Variants in NPSR1 observed in about 807,000 individuals in gnomAD.
NPSR1 encodes neuropeptide S receptor 1.
NPSR1 carries 48 observed loss-of-function variants against 46.9 expected under a neutral mutation model. The observed-to-expected ratio is 1.02, with a 90% confidence interval of 0.81 to 1.30. The LOEUF (loss-of-function observed/expected upper bound fraction) is 1.30, where lower values mean the gene tolerates loss of function less well. Ranked by LOEUF, NPSR1 falls within the 50% of genes most tolerant of loss-of-function variation. The pLI, the probability that NPSR1 is intolerant of heterozygous loss-of-function variation, is 0.00. For synonymous variants in NPSR1, 176 were observed against 168.1 expected (o/e 1.05, Z -0.36); for missense variants, 450 against 449.5 (o/e 1.00, Z -0.01).
intron 2 of NPSR1, among the ~76,000 whole-genome samples, chr7:34,726,485 A>G (rs1784157808): frequency 6.6e-6 from 1 of 152,228 alleles, no homozygotes. Flanking sequence ...CTCTTACCAT[A>G]TAATTCATCA....
intron 2 of NPSR1, among the ~76,000 whole-genome samples, chr7:34,690,706 C>T (rs1446095196): frequency 1.3e-5 from 2 of 152,112 alleles, no homozygotes; most frequent in Non-Finnish European, 2.9e-5. Context: ...TAAGAAATGC[C>T]TAGTGCCTTT....
At chr7:34,839,208 A>G (rs1264890312) in intron 6 of NPSR1, among the ~76,000 whole-genome samples, 2 of 152,264 alleles carry the variant, frequency 1.3e-5, no homozygotes, top group Non-Finnish European at 2.9e-5. Context: ...AATGAAGATT[A>G]TGACATGTTC....
chr7:34,764,619 A>C (rs1786345667), intron 2 of NPSR1, among the ~76,000 whole-genome samples: 1 of 152,162 alleles, frequency 6.6e-6, no homozygotes, highest in Non-Finnish European at 1.5e-5. Context: ...CCAAACAAAA[A>C]ACTTAAGTCA....
chr7:34,794,609 T>C (rs1405634014), intron 3 of NPSR1, among the ~76,000 whole-genome samples: 1 of 151,954 alleles, frequency 6.6e-6, no homozygotes, highest in East Asian at 1.9e-4. Context: ...CACCAAACAT[T>C]TAGGAAAGAA....
At chr7:34,721,016 G>A (rs977641792) in intron 2 of NPSR1, among the ~76,000 whole-genome samples, 1 of 152,128 alleles carries the variant, frequency 6.6e-6, no homozygotes, top group African/African-American at 2.4e-5. Flanking sequence ...AAATACCTTA[G>A]TGACTAGAAA....
At chr7:34,852,878 C>T (rs534439006), downstream of NPSR1, among the ~76,000 whole-genome samples, 1 of 152,234 alleles carries the variant, frequency 6.6e-6, no homozygotes, top group South Asian at 2.1e-4. Flanking sequence ...GGTGTGCTTA[C>T]TATATTCAGC....
At chr7:34,726,445 G>C (rs1170508361) in intron 2 of NPSR1, among the ~76,000 whole-genome samples, 1 of 152,202 alleles carries the variant, frequency 6.6e-6, no homozygotes, top group African/African-American at 2.4e-5. Context: ...TTGGAAGACA[G>C]TTTGACAGTT....
intron 2 of NPSR1, among the ~76,000 whole-genome samples, chr7:34,767,069 G>A (rs936651816): frequency 7.9e-5 from 12 of 152,170 alleles, no homozygotes; most frequent in Admixed American, 2.6e-4. Context: ...TCTCTATCCC[G>A]ACTGTGGTGT....
chr7:34,703,185 C>T (rs953870629), intron 2 of NPSR1, among the ~76,000 whole-genome samples: 7 of 152,100 alleles, frequency 4.6e-5, no homozygotes, highest in African/African-American at 1.7e-4. Flanking sequence ...CGGTGAAACC[C>T]CGTCTCTACT....
chr7:34,710,270 A>G (rs895228234), intron 2 of NPSR1, among the ~76,000 whole-genome samples: 3 of 152,124 alleles, frequency 2.0e-5, no homozygotes, highest in African/African-American at 7.2e-5. Context: ...ATTATTCCCA[A>G]TTCTTTTGAT....
intron 6 of NPSR1, among the ~76,000 whole-genome samples, chr7:34,838,550 G>A (rs1790457784): frequency 6.6e-6 from 1 of 152,112 alleles, no homozygotes; most frequent in Non-Finnish European, 1.5e-5. Flanking sequence ...CCGCATGCCA[G>A]GATTATTGCT....
chr7:34,820,822 A>G (rs554168659), intron 4 of NPSR1, among the ~76,000 whole-genome samples: 11 of 152,212 alleles, frequency 7.2e-5, no homozygotes, highest in Non-Finnish European at 1.5e-4. Context: ...GATCAACAAA[A>G]AGGAATGTCT....
At chr7:34,716,288 C>T (rs1191085086) in intron 2 of NPSR1, among the ~76,000 whole-genome samples, 1 of 152,090 alleles carries the variant, frequency 6.6e-6, no homozygotes, top group Non-Finnish European at 1.5e-5. Context: ...ATTACTAGCC[C>T]ATAAAATGAT....
chr7:34,798,230 T>A (rs1329457205), intron 3 of NPSR1, among the ~76,000 whole-genome samples: 1 of 152,050 alleles, frequency 6.6e-6, no homozygotes, highest in East Asian at 1.9e-4. Flanking sequence ...GTGAACTGAA[T>A]GACAATATTA....
At chr7:34,696,762 G>C (rs1341415368) in intron 2 of NPSR1, among the ~76,000 whole-genome samples, 1 of 107,070 alleles carries the variant, frequency 9.3e-6, no homozygotes, top group African/African-American at 5.0e-5. Context: ...AGACTGGATA[G>C]AAACAACACT....
At chr7:34,759,045 A>G (rs2128728119) in intron 2 of NPSR1, among the ~76,000 whole-genome samples, 1 of 152,350 alleles carries the variant, frequency 6.6e-6, no homozygotes, top group Middle Eastern at 3.4e-3. Flanking sequence ...GTTATACACC[A>G]GGAATGATGC....
chr7:34,752,028 T>C, intron 2 of NPSR1: 1 of 744,240 alleles, frequency 1.3e-6, no homozygotes, highest in Non-Finnish European at 2.4e-6. Context: ...GGCCAGCCGG[T>C]AGTCCTGTGG....
intron 2 of NPSR1, among the ~76,000 whole-genome samples, chr7:34,708,370 A>G (rs983388149): frequency 2.0e-5 from 3 of 152,184 alleles, no homozygotes; most frequent in Non-Finnish European, 2.9e-5. Flanking sequence ...AAGACATGCA[A>G]TTACACTGAT....
intron 3 of NPSR1, among the ~76,000 whole-genome samples, chr7:34,806,038 GA>G (rs1778781479): frequency 6.6e-6 from 1 of 152,012 alleles, no homozygotes; most frequent in Non-Finnish European, 1.5e-5. Flanking sequence ...ACCAATGGCT[GA>G]TGAGGATGAA....
Sources: gnomAD v4.1 joint callset for allele counts (sites outside exome capture counted in the v4.1 genomes callset) on GRCh38, gnomAD v4.1.1 for gene constraint, MANE v1.5 for transcripts, NCBI Gene and HGNC (gene_info 2026-07-23, HGNC 2026-07-21) for gene names.